The following FAM161A variants were observed in gnomAD, a reference collection of about 807,000 sequenced individuals.
FAM161A encodes FAM161 centrosomal protein A.
Under a neutral mutation model 70.9 loss-of-function variants are expected in FAM161A, and 57 were observed. The observed-to-expected ratio is 0.80, with a 90% confidence interval of 0.65 to 1.00. The LOEUF (loss-of-function observed/expected upper bound fraction) is 1.00, where lower values mean the gene tolerates loss of function less well. Ranked by LOEUF, FAM161A falls within the 50% of genes least tolerant of loss-of-function variation. The pLI is 0.00. For synonymous variants in FAM161A, 299 were observed against 295.7 expected, an observed-to-expected ratio of 1.01 and a Z score of -0.12; for missense variants, 880 against 836.0, an observed-to-expected ratio of 1.05 and a Z score of -0.65.
At chr2:61,807,006 T>G in the FAM161A span, among the ~76,000 whole-genome samples, 1 of 152,168 alleles carries the variant, frequency 6.6e-6, no homozygotes, top group Non-Finnish European at 1.5e-5. Flanking sequence ...ATCTTTTTAT[T>G]TGAAAGAATT....
In FAM161A at chr2:61,840,226, A is replaced by G; in HGVS notation, c.778T>C (p.Ser260Pro). ...GCTTTATGTACCATTTCGATATCTG[A>G]TTTAGATTTCATGGACTCTTCTTTT... ...KKKEESMKSKSDIEMVHKALK... is the reference protein window; with the variant it reads ...KKKEESMKSKPDIEMVHKALK... Residue 260 changes from serine to proline, a missense_variant, in exon 3 of 7, where the codon TCA becomes CCA. By Grantham distance (74) the Ser-to-Pro change is moderately conservative. Transcript: ENST00000404929. 1 of 1,613,672 alleles carries G rather than the reference A, an allele frequency of 6.2e-7. No individual in the cohort carries two copies. Among genetic ancestry groups the G allele is most frequent in the Non-Finnish European group, 8.5e-7 (1 of 1,179,914 alleles).
At chr2:61,826,737 AAAAAAGAAG>A in intron 6 of FAM161A, 138 bp from the exon 7 acceptor site, 1 of 607,326 alleles carries the variant, frequency 1.6e-6, no homozygotes. Context: ...GACAACTCAA[AAAAAAGAAG>A]AAAACGCTAT....
intron 1 of FAM161A, among the ~76,000 whole-genome samples, chr2:61,843,431 C>G (rs543651222): frequency 1.3e-5 from 2 of 152,246 alleles, no homozygotes; most frequent in South Asian, 4.1e-4. Flanking sequence ...CCTACCCTTT[C>G]AGTTCTTTTA....
At chr2:61,812,588 G>A in the FAM161A span, among the ~76,000 whole-genome samples, 9 of 152,104 alleles carry the variant, frequency 5.9e-5, no homozygotes, top group African/African-American at 1.9e-4. Context: ...CGGGCATGGT[G>A]GTGGGTGCCT....
At chr2:61,824,240 G>A (rs113496040), downstream of FAM161A, among the ~76,000 whole-genome samples, 24,345 of 140,644 alleles carry the variant, frequency 0.17, 2,549 homozygotes, top group Middle Eastern at 0.31. Flanking sequence ...GGGTTTCACC[G>A]TGTTAGCCAG....
chr2:61,822,788 CCAT>C (rs1424156354), downstream of FAM161A, among the ~76,000 whole-genome samples: 1 of 151,834 alleles, frequency 6.6e-6, no homozygotes. Context: ...CGGGGTTTCA[CCAT>C]GTTGGCCAGG....
At chr2:61,844,846 A>G (rs1673148405) in intron 1 of FAM161A, among the ~76,000 whole-genome samples, 2 of 152,252 alleles carry the variant, frequency 1.3e-5, no homozygotes, top group Admixed American at 1.3e-4. Flanking sequence ...AGCTAAGCGG[A>G]GAGACAGATG....
chr2:61,813,547 C>CAAA, the FAM161A span, among the ~76,000 whole-genome samples: 53 of 55,912 alleles, frequency 9.5e-4, no homozygotes, highest in South Asian at 1.3e-3. Context: ...GACTCCACCT[C>CAAA]AAAAAAAAAA....
intron 1 of FAM161A, among the ~76,000 whole-genome samples, chr2:61,850,180 T>C (rs1376112732): frequency 6.6e-6 from 1 of 152,150 alleles, no homozygotes; most frequent in Non-Finnish European, 1.5e-5. Context: ...GCGGATCACC[T>C]GAGGTCAGGA....
chr2:61,841,014 G>C (rs1347742853), intron 2 of FAM161A, among the ~76,000 whole-genome samples: 1 of 152,170 alleles, frequency 6.6e-6, no homozygotes, highest in African/African-American at 2.4e-5. Context: ...GGGCTTGTAA[G>C]AATCATCACT....
downstream of FAM161A, among the ~76,000 whole-genome samples, chr2:61,821,343 G>A (rs746971953): frequency 6.6e-6 from 1 of 151,906 alleles, no homozygotes; most frequent in Non-Finnish European, 1.5e-5. Context: ...GAGCCACTGC[G>A]CCCAGCTATG....
the FAM161A span, among the ~76,000 whole-genome samples, chr2:61,804,350 G>C: frequency 6.6e-5 from 10 of 152,082 alleles, no homozygotes; most frequent in Non-Finnish European, 1.5e-4. Context: ...AACCGTCTGG[G>C]AATACAGCCC....
intron 1 of FAM161A, among the ~76,000 whole-genome samples, chr2:61,852,478 T>C (rs1673530145): frequency 6.6e-6 from 1 of 152,212 alleles, no homozygotes; most frequent in African/African-American, 2.4e-5. Context: ...GAGACAATTA[T>C]TATAGTTATT....
intron 2 of FAM161A, among the ~76,000 whole-genome samples, chr2:61,841,075 C>G (rs1175440327): frequency 6.6e-6 from 1 of 152,220 alleles, no homozygotes; most frequent in Non-Finnish European, 1.5e-5. Flanking sequence ...ACTTTGACTC[C>G]TTCATTTTAC....
intron 5 of FAM161A, among the ~76,000 whole-genome samples, chr2:61,832,533 A>C (rs1202340606): frequency 6.6e-6 from 1 of 152,168 alleles, no homozygotes; most frequent in African/African-American, 2.4e-5. Context: ...AAAAGTCCTA[A>C]GATGTCGTTT....
chr2:61,842,234 C>A lies in FAM161A; in HGVS notation c.310G>T (p.Ala104Ser). Reference protein sequence around the residue: ...EYFKKVEELKAAHIETMAKLE... With the variant: ...EYFKKVEELKSAHIETMAKLE... ...TTTGCCATAGTTTCTATGTGGGCAGCCTTCAACTCTTCTACTTTCTTGAAA... is the reference window on the plus strand; with the variant it reads ...TTTGCCATAGTTTCTATGTGGGCAGACTTCAACTCTTCTACTTTCTTGAAA... The change falls in exon 2 of 7, where the codon GCT becomes TCT. Residue 104 changes from alanine (A) to serine (S), a missense_variant. Physicochemically the swap from Ala to Ser is moderately conservative, Grantham distance 99. Coordinates refer to ENST00000404929, the MANE Select transcript of FAM161A (RefSeq NM_001201543.2). The A allele has an allele frequency of 6.2e-7, 1 of 1,613,338 alleles. No homozygotes were observed.
chr2:61,839,835 T>C lies in FAM161A; in HGVS notation c.1169A>G (p.Glu390Gly). Reference protein sequence around the residue: ...RNLRTQLRAQEHLQNSSPLPC... With the variant: ...RNLRTQLRAQGHLQNSSPLPC... The stretch of plus-strand genomic sequence containing the variant: ...CAGAGGAGATGAGTTCTGTAAATGC[T>C]CCTGGGCTCTCAGCTGTGTCCTAAG... Residue 390 changes from glutamate to glycine, a missense_variant, in exon 3 of 7, where the codon GAG (glutamate) becomes GGG (glycine). Transcript: ENST00000404929. 1 of 1,614,252 alleles carries C rather than the reference T, an allele frequency of 6.2e-7. No individual in the cohort carries two copies. The highest frequency in any genetic ancestry group is 8.5e-7 in the Non-Finnish European group (1 of 1,180,048).
chr2:61,818,987 CTT>C, the FAM161A span, among the ~76,000 whole-genome samples: 2 of 152,214 alleles, frequency 1.3e-5, no homozygotes, highest in African/African-American at 4.8e-5. Flanking sequence ...TGCCTCCCCA[CTT>C]AATGTCATAC....
intron 5 of FAM161A, 82 bp from the exon 6 acceptor site, chr2:61,827,340 G>A: frequency 2.8e-6 from 4 of 1,406,438 alleles, no homozygotes; most frequent in Non-Finnish European, 4.0e-6. Context: ...GCCAGGCGCG[G>A]TGGCTCACGC....
Sources: allele counts gnomAD v4.1 joint callset (sites outside exome capture counted in the v4.1 genomes callset), GRCh38; gene constraint gnomAD v4.1.1; transcripts MANE v1.5; gene names NCBI Gene and HGNC (gene_info 2026-07-23, HGNC 2026-07-21).